The following ITK variants were observed in gnomAD, a reference collection of about 807,000 sequenced individuals.
The protein encoded by ITK is tyrosine-protein kinase ITK/TSK.
A neutral mutation model predicts 87.6 loss-of-function variants in ITK; 45 were observed. The observed-to-expected ratio is 0.51, with a 90% CI of 0.40 to 0.66. The LOEUF (loss-of-function observed/expected upper bound fraction) is 0.66. ITK is among the 30% of genes least tolerant of loss of function. The probability of loss-of-function intolerance (pLI) is 0.00; values close to 1 mark genes in which losing one functional copy is unlikely to be tolerated. For synonymous variants in ITK, 303 were observed against 273.6 expected, an observed-to-expected ratio of 1.11 and a Z score of -1.06; for missense variants, 605 against 766.3, an observed-to-expected ratio of 0.79 and a Z score of 2.48.
In ITK at chr5:157,180,904, T is replaced by G. The variant is rs113811363; in HGVS notation, c.-74T>G. On this transcript the variant is annotated 5_prime_UTR_variant, in exon 1 of 17. Transcript: ENST00000422843. Reference sequence around the variant, plus strand: ...ATCAACTGCCTCCACATTGCATTCTTTGCCCCAAAACTCTTTCCTTTGGTT... The same window carrying G: ...ATCAACTGCCTCCACATTGCATTCTGTGCCCCAAAACTCTTTCCTTTGGTT... 2.4e-4 allele frequency: 356 copies of G among 1,496,102 alleles called. No individual in the cohort carries two copies. In the African/African-American group the frequency reaches 4.2e-3, roughly 18 times the overall value. The allele number at this position is 1,496,102 out of a possible 1,614,324, so 92.7% of individuals were successfully genotyped here. A position where few individuals can be genotyped will look rare whatever the true frequency, so the allele number is the denominator to read the frequency against.
intron 5 of ITK, among the ~76,000 whole-genome samples, chr5:157,221,248 G>T (rs1050267354): frequency 2.0e-5 from 3 of 151,808 alleles, no homozygotes; most frequent in Non-Finnish European, 2.9e-5. Context: ...ATGTGGTATT[G>T]GGACTCAACT....
rs143962660 is a variant in ITK at position 157,213,552 on chromosome 5, C to CT, written c.326-630dup. The CT allele has an allele frequency of 0.37, 159,424 of 434,522 alleles. 25,086 individuals are homozygous for CT. Among genetic ancestry groups the CT allele is most frequent in the Middle Eastern group, 0.4 (960 of 2,416 alleles). The allele number at this position is 434,522 out of a possible 1,614,324, so 26.9% of individuals were successfully genotyped here. On this transcript the variant is annotated intron_variant, in intron 3 of 16. Transcript: ENST00000422843. ...GACACCATGCCCAGCTAACTTTTTT[C>CT]TTTTTTTTTGGTAGAAAAGGGGTCT...
intron 1 of ITK, among the ~76,000 whole-genome samples, chr5:157,192,783 A>G (rs1753777994): frequency 6.6e-6 from 1 of 152,216 alleles, no homozygotes; most frequent in South Asian, 2.1e-4. Context: ...GTTATCTTCC[A>G]ACTCTGTGAC....
chr5:157,228,441 T>C, intron 7 of ITK, 80 bp downstream of exon 7: 1 of 851,990 alleles, frequency 1.2e-6, no homozygotes, highest in Non-Finnish European at 2.0e-6. Context: ...TGGTTGACTG[T>C]AAAAATACCA....
At chr5:157,217,291 A>G (rs1754318569) in intron 4 of ITK, among the ~76,000 whole-genome samples, 1 of 152,218 alleles carries the variant, frequency 6.6e-6, no homozygotes, top group Non-Finnish European at 1.5e-5. Context: ...ATAAGCAGAA[A>G]GACAAAGACA....
intron 1 of ITK, among the ~76,000 whole-genome samples, chr5:157,206,150 T>G (rs1382406979): frequency 6.6e-6 from 1 of 151,942 alleles, no homozygotes; most frequent in Non-Finnish European, 1.5e-5. Flanking sequence ...AAACAGAGTT[T>G]CACCACGTTT....
chr5:157,191,144 A>AT (rs1019594554), intron 1 of ITK, among the ~76,000 whole-genome samples: 1 of 150,938 alleles, frequency 6.6e-6, no homozygotes, highest in African/African-American at 2.4e-5. Context: ...TATTTATTTT[A>AT]TTTTTTTATT....
chr5:157,215,199 C>T (rs1475447627), intron 4 of ITK, among the ~76,000 whole-genome samples: 1 of 152,188 alleles, frequency 6.6e-6, no homozygotes, highest in African/African-American at 2.4e-5. Context: ...AATCCATTGT[C>T]GAATAGGAAT....
chr5:157,208,078 T>A (rs144414278), intron 1 of ITK, among the ~76,000 whole-genome samples: 1 of 152,288 alleles, frequency 6.6e-6, no homozygotes, highest in East Asian at 1.9e-4. Flanking sequence ...TAGGTACCTG[T>A]GAGAGGCTTC....
intron 3 of ITK, chr5:157,213,502 T>C: frequency 2.4e-6 from 1 of 418,420 alleles, no homozygotes; most frequent in Non-Finnish European, 4.7e-6. Flanking sequence ...TTCAGCCTCC[T>C]GAGTAGCTGG....
chr5:157,219,422 A>G lies in ITK; in HGVS notation c.495+1515A>G, dbSNP rs534601497. Among the ~76,000 whole-genome samples the G allele has an allele frequency of 3.9e-5, 6 of 152,220 alleles. No individual in the cohort carries two copies. In the East Asian group the frequency reaches 1.2e-3, roughly 29 times the overall value. On this transcript the variant is annotated intron_variant, in intron 5 of 16. Transcript: ENST00000422843. ...GCCACTGTGCCTGACCAATACCCACATTTGAGTACTCGCTCTTCATTCCAG... is the reference window on the plus strand; with the variant it reads ...GCCACTGTGCCTGACCAATACCCACGTTTGAGTACTCGCTCTTCATTCCAG...
intron 13 of ITK, chr5:157,245,440 G>C: frequency 3.9e-6 from 2 of 515,728 alleles, no homozygotes; most frequent in Non-Finnish European, 7.0e-6. Context: ...ATCACATCAG[G>C]TTGCATTAGA....
chr5:157,241,731 C>T lies in ITK; in HGVS notation c.1060+11C>T. The T allele has an allele frequency of 1.2e-6, 2 of 1,606,452 alleles. No homozygotes were observed. Among genetic ancestry groups the T allele is most frequent in the African/African-American group, 1.3e-5 (1 of 74,844 alleles). On this transcript the variant is annotated intron_variant, in intron 11 of 16. Coordinates refer to ENST00000422843, the MANE Select transcript of ITK (RefSeq NM_005546.4). ...CAGGGCTGAGATACGGTGAGCAGTACAATCAGGAATGTAAACTCATGTCCC... is the reference window on the plus strand; with the variant it reads ...CAGGGCTGAGATACGGTGAGCAGTATAATCAGGAATGTAAACTCATGTCCC...
At chr5:157,186,527 T>C (rs916382412) in intron 1 of ITK, among the ~76,000 whole-genome samples, 3 of 152,028 alleles carry the variant, frequency 2.0e-5, no homozygotes, top group Non-Finnish European at 4.4e-5. Context: ...ACACAAAAAG[T>C]TAGCCAGGCA....
chr5:157,217,790 C>A (rs748726501), intron 4 of ITK, 77 bp from the exon 5 acceptor site: 7 of 1,319,900 alleles, frequency 5.3e-6, no homozygotes, highest in African/African-American at 4.3e-5. Context: ...CTCAGAAAAA[C>A]CCCCTGGCTG....
intron 2 of ITK, 149 bp from the exon 3 acceptor site, chr5:157,211,138 A>T: frequency 1.4e-6 from 1 of 701,140 alleles, no homozygotes; most frequent in Non-Finnish European, 2.6e-6. Context: ...AAACACCTGG[A>T]TAAAAAGGAT....
At chr5:157,234,120 A>G (rs1754728768) in intron 8 of ITK, among the ~76,000 whole-genome samples, 5 of 150,976 alleles carry the variant, frequency 3.3e-5, no homozygotes. Flanking sequence ...AGCTGGGATT[A>G]CAGGCATGTG....
At chr5:157,233,495 A>G (rs1244687769) in intron 8 of ITK, among the ~76,000 whole-genome samples, 1 of 152,196 alleles carries the variant, frequency 6.6e-6, no homozygotes, top group East Asian at 1.9e-4. Context: ...TCCCCAAAAA[A>G]ACACACATTA....
chr5:157,201,866 G>A (rs1041464454), intron 1 of ITK, among the ~76,000 whole-genome samples: 2 of 152,078 alleles, frequency 1.3e-5, no homozygotes, highest in African/African-American at 4.8e-5. Flanking sequence ...TTTAGGTTCA[G>A]AGGTACATGT....
Sources: gnomAD v4.1 joint callset for allele counts (sites outside exome capture counted in the v4.1 genomes callset) on GRCh38, gnomAD v4.1.1 for gene constraint, MANE v1.5 for transcripts, NCBI Gene and HGNC (gene_info 2026-07-23, HGNC 2026-07-21) for gene names.